The following MALRD1 variants were observed in gnomAD, a reference collection of about 807,000 sequenced individuals.
The protein encoded by MALRD1 is MAM and LDL-receptor class A domain-containing protein 1.
MALRD1 carries 247 observed loss-of-function variants against 242.1 expected under a neutral mutation model. The ratio of observed to expected loss-of-function variants is 1.02; its 90% CI spans 0.92 to 1.13. MALRD1 has a LOEUF of 1.13. Ranked by LOEUF, MALRD1 falls within the 50% of genes most tolerant of loss-of-function variation. MALRD1 has a pLI of 0.00. For synonymous variants in MALRD1, 995 were observed against 866.6 expected (o/e 1.15, Z -2.60); for missense variants, 2,989 against 2,533.1 (o/e 1.18, Z -3.86).
At chr10:19,566,298 A>ATTTTTT (rs10548629) in intron 32 of MALRD1, among the ~76,000 whole-genome samples, 17 of 111,048 alleles carry the variant, frequency 1.5e-4, no homozygotes, top group South Asian at 3.2e-4. Flanking sequence ...TGCCTGGCTA[A>ATTTTTT]TTTTTTTTTT....
intron 29 of MALRD1, among the ~76,000 whole-genome samples, chr10:19,471,614 T>C (rs1157488945): frequency 8.4e-5 from 1 of 11,910 alleles, no homozygotes; most frequent in African/African-American, 2.5e-4. Context: ...TTCTCAGGAT[T>C]TTTTTTTTTT....
chr10:19,084,189 A>C, intron 2 of MALRD1, among the ~76,000 whole-genome samples: 1 of 151,996 alleles, frequency 6.6e-6, no homozygotes, highest in Non-Finnish European at 1.5e-5. Flanking sequence ...AGCTTAATAA[A>C]TTGGTATGAG....
intron 21 of MALRD1, among the ~76,000 whole-genome samples, chr10:19,299,582 G>A (rs1841853250): frequency 8.7e-6 from 1 of 115,240 alleles, no homozygotes; most frequent in African/African-American, 3.1e-5. Flanking sequence ...ATCAATAAAT[G>A]TGATGTGATT....
intron 13 of MALRD1, among the ~76,000 whole-genome samples, chr10:19,166,945 G>T (rs556189937): frequency 1.3e-5 from 2 of 152,282 alleles, no homozygotes; most frequent in African/African-American, 4.8e-5. Flanking sequence ...TTGTCTTTGT[G>T]CATCAAATTT....
intron 36 of MALRD1, among the ~76,000 whole-genome samples, chr10:19,674,358 C>G (rs1842051740): frequency 6.6e-6 from 1 of 152,158 alleles, no homozygotes; most frequent in Admixed American, 6.5e-5. Context: ...CACTTTTTAT[C>G]TCCATCTGAT....
intron 28 of MALRD1, among the ~76,000 whole-genome samples, chr10:19,443,466 A>T (rs1052663885): frequency 6.6e-6 from 1 of 152,164 alleles, no homozygotes; most frequent in Admixed American, 6.5e-5. Flanking sequence ...TTAGTGCTAT[A>T]AATTTCCCTC....
At chr10:19,476,793 A>G (rs1376881385) in intron 29 of MALRD1, among the ~76,000 whole-genome samples, 1 of 152,190 alleles carries the variant, frequency 6.6e-6, no homozygotes. Context: ...TTTTATTCAT[A>G]TGACATGTTC....
intron 33 of MALRD1, among the ~76,000 whole-genome samples, chr10:19,571,889 A>C (rs17729837): frequency 0.37 from 56,617 of 151,982 alleles, 11,815 homozygotes; most frequent in Non-Finnish European, 0.48. Context: ...TGTATGTTGA[A>C]CCTGCCAGCT....
chr10:19,193,503 C>T (rs142665378), intron 14 of MALRD1, among the ~76,000 whole-genome samples: 64 of 152,156 alleles, frequency 4.2e-4, no homozygotes, highest in African/African-American at 8.7e-4. Context: ...TGCATTGAGC[C>T]GTGATCATGC....
At chr10:19,186,817 C>T (rs1386403169) in intron 14 of MALRD1, among the ~76,000 whole-genome samples, 1 of 152,128 alleles carries the variant, frequency 6.6e-6, no homozygotes, top group Non-Finnish European at 1.5e-5. Context: ...TTCAGTTCTT[C>T]TCTTTTCTCA....
At chr10:19,654,064 G>A (rs1841017806) in intron 36 of MALRD1, among the ~76,000 whole-genome samples, 1 of 152,110 alleles carries the variant, frequency 6.6e-6, no homozygotes. Context: ...AAAATAGGCA[G>A]CCATAGCTAT....
At chr10:19,642,722 G>C (rs916594747) in intron 36 of MALRD1, among the ~76,000 whole-genome samples, 1 of 152,182 alleles carries the variant, frequency 6.6e-6, no homozygotes, top group East Asian at 1.9e-4. Flanking sequence ...AAGATCTGAG[G>C]CTTCTGAAAT....
At position 19,112,958 on chromosome 10, in the gene MALRD1, T is replaced by A. The variant is rs1234053526; in HGVS notation, c.694+8883T>A. Among the ~76,000 whole-genome samples the A allele has an allele frequency of 2.6e-5, 4 of 152,200 alleles. No homozygotes were observed. In the East Asian group the frequency reaches 5.8e-4, roughly 22 times the overall value. ...ATTTTTACATATTCTTCTCTTTTTT[T>A]CACCTTTATATCAATTTGGCTAAAA... On this transcript the variant is annotated intron_variant, in intron 5 of 39. Transcript: ENST00000454679.
intron 31 of MALRD1, among the ~76,000 whole-genome samples, chr10:19,512,692 A>G (rs775016891): frequency 6.6e-6 from 1 of 152,230 alleles, no homozygotes; most frequent in African/African-American, 2.4e-5. Context: ...ATCCATTTGT[A>G]AAATTTTAAA....
chr10:19,142,502 A>G (rs1833585457), intron 10 of MALRD1, among the ~76,000 whole-genome samples: 1 of 152,184 alleles, frequency 6.6e-6, no homozygotes, highest in East Asian at 1.9e-4. Context: ...CATATGCTGC[A>G]GTGGTTAAAT....
At chr10:19,163,137 T>C (rs72790783) in intron 12 of MALRD1, among the ~76,000 whole-genome samples, 2 of 43,854 alleles carry the variant, frequency 4.6e-5, no homozygotes, top group African/African-American at 8.3e-5. Context: ...AAACCCTGTC[T>C]AAAAAAAAAA....
At chr10:19,240,008 A>T (rs1410743633) in intron 18 of MALRD1, among the ~76,000 whole-genome samples, 2 of 152,040 alleles carry the variant, frequency 1.3e-5, no homozygotes, top group African/African-American at 4.8e-5. Flanking sequence ...TACAAATTGT[A>T]GGGTACTTTT....
chr10:19,318,526 T>TTA (rs1554831616), intron 21 of MALRD1, among the ~76,000 whole-genome samples: 1 of 151,408 alleles, frequency 6.6e-6, no homozygotes, highest in Admixed American at 6.6e-5. Flanking sequence ...GTTTTTTTTT[T>TTA]TTATTATTTG....
rs1485674906 is a variant in MALRD1, at chr10:19,498,481, C to A, written c.5159-4C>A. The A allele has an allele frequency of 3.2e-6, 5 of 1,546,824 alleles. No individual in the cohort carries two copies. In the Admixed American group the frequency reaches 9.9e-5, roughly 31 times the overall value. ...AAATTCCATTAATGTTTTTGCTTCC[C>A]CAGCACATTATACAAGCACAACAGG... On this transcript the variant is annotated splice_region_variant and splice_polypyrimidine_tract_variant and intron_variant, in intron 30 of 39. Coordinates refer to ENST00000454679, the MANE Select transcript of MALRD1 (RefSeq NM_001142308.3).
Sources: allele counts gnomAD v4.1 joint callset (sites outside exome capture counted in the v4.1 genomes callset), GRCh38; gene constraint gnomAD v4.1.1; transcripts MANE v1.5; gene names NCBI Gene and HGNC (gene_info 2026-07-23, HGNC 2026-07-21).